Variants in CACNA1C observed in about 807,000 individuals in gnomAD.
CACNA1C encodes calcium voltage-gated channel subunit alpha1 C.
Under a neutral mutation model 229.0 loss-of-function variants are expected in CACNA1C, and 30 were observed. That is an observed-to-expected ratio of 0.13 (90% CI 0.10 to 0.18). CACNA1C has a LOEUF of 0.18. Among genes scored for constraint, CACNA1C ranks in the 10% least tolerant of loss-of-function variants. The pLI is 1.00. For synonymous variants in CACNA1C, 1,114 were observed against 1,132.5 expected, an observed-to-expected ratio of 0.98 and a Z score of 0.33; for missense variants, 1,658 against 2,845.0, an observed-to-expected ratio of 0.58 and a Z score of 9.49.
intron 1 of CACNA1C, among the ~76,000 whole-genome samples, chr12:2,088,766 G>A (rs1227126708): frequency 2.0e-5 from 3 of 152,008 alleles, no homozygotes; most frequent in Non-Finnish European, 4.4e-5. Flanking sequence ...CACTGTCCTC[G>A]GGTGGGCTCA....
intron 3 of CACNA1C, among the ~76,000 whole-genome samples, chr12:2,212,087 T>C (rs1031727891): frequency 6.6e-6 from 1 of 152,220 alleles, no homozygotes; most frequent in Admixed American, 6.5e-5. Context: ...GGTATTTGGA[T>C]CAATGGCTGG....
intron 1 of CACNA1C, among the ~76,000 whole-genome samples, chr12:2,074,939 C>G (rs1008449753): frequency 6.6e-6 from 1 of 152,184 alleles, no homozygotes; most frequent in Admixed American, 6.5e-5. Flanking sequence ...AACCTGCCAA[C>G]ACCCACATGG....
At chr12:2,470,618 G>A (rs184628908) in intron 5 of CACNA1C, among the ~76,000 whole-genome samples, 2 of 152,134 alleles carry the variant, frequency 1.3e-5, no homozygotes, top group East Asian at 1.9e-4. Flanking sequence ...TGTGTGCCTC[G>A]ATTTCCTGAT....
intron 1 of CACNA1C, among the ~76,000 whole-genome samples, chr12:2,075,489 A>G (rs1474192739): frequency 6.6e-6 from 1 of 152,236 alleles, no homozygotes; most frequent in African/African-American, 2.4e-5. Context: ...TCACACAGCT[A>G]TTGAATGGGA....
chr12:2,389,153 G>A (rs2154548181), intron 3 of CACNA1C, among the ~76,000 whole-genome samples: 1 of 152,258 alleles, frequency 6.6e-6, no homozygotes, highest in Non-Finnish European at 1.5e-5. Context: ...TGGAAGCTAA[G>A]GAAGATGGTG....
chr12:2,286,795 C>CT (rs997067845), intron 3 of CACNA1C, among the ~76,000 whole-genome samples: 20 of 152,300 alleles, frequency 1.3e-4, no homozygotes, highest in African/African-American at 4.6e-4. Context: ...ATGCTTACAA[C>CT]TTTTATGTTT....
Position 2,653,928 on chromosome 12 carries a change from T to TGGCCTCCC in CACNA1C, c.4140+30_4140+37dup. ...AGGGAGGCTCCCACCACGGGGCTCC[T>TGGCCTCCC]GGCCTCCCGCTCTGTCTCTCCCCAG... On this transcript the variant is annotated intron_variant, in intron 33 of 46. Transcript: ENST00000399655. This position sits in a 1 kb window ranked among gnomAD's most constrained non-coding sequence, Gnocchi z 4.7. The TGGCCTCCC allele has an allele frequency of 6.3e-7, 1 of 1,593,486 alleles. No homozygotes were observed.
Position 2,032,697 on chromosome 12 carries a change from A to G in CACNA1C, c.139+61496A>G, listed in dbSNP as rs866831791. Among the ~76,000 whole-genome samples, 3 of 152,326 alleles carry G rather than the reference A, an allele frequency of 2.0e-5. No homozygotes were observed. The South Asian group carries it at 6.2e-4, about 32-fold the overall frequency. On this transcript the variant is annotated intron_variant, in intron 1 of 46. Transcript: ENST00000682462. ...GTGACCTTGTCTTGTCCTCTGAATT[A>G]TGGACAGGCAGCTCAGAACATCAGC...
chr12:2,465,717 T>G (rs1441358538), intron 5 of CACNA1C, among the ~76,000 whole-genome samples: 2 of 152,120 alleles, frequency 1.3e-5, no homozygotes, highest in Non-Finnish European at 2.9e-5. Context: ...CAGCTAAGTG[T>G]CTTGGAAATC....
At position 2,648,497 on chromosome 12, in the gene CACNA1C, C is replaced by G; in HGVS notation, c.3935C>G (p.Ser1312Cys). ...EVNPAEHTQC[S>C]PSMNAEENSR... ...AAGCCAGCTGAACATACCCAATGCT[C>G]TCCCTCTATGGTAAGACCAACCCTC... The change falls in exon 31 of 47, where the codon TCT becomes TGT. Residue 1312 changes from serine (S) to cysteine (C), a missense_variant. Coordinates refer to ENST00000399655, the MANE Select transcript of CACNA1C (RefSeq NM_000719.7). 6.2e-7 allele frequency: 1 copy of G among 1,613,954 alleles called. No individual in the cohort carries two copies. Among genetic ancestry groups the G allele is most frequent in the South Asian group, 1.1e-5 (1 of 91,088 alleles).
In CACNA1C at chr12:2,566,832, G is replaced by A. The variant is rs747550369; in HGVS notation, c.1669+250G>A. ...ACCATCAGCCTGCCCCAAAGTCACT[G>A]TTGGACCCAGGTGATGAGGAAAGGG... On this transcript the variant is annotated intron_variant, in intron 12 of 46. Transcript: ENST00000399655. The surrounding 1 kb of genome is among the most constrained non-coding windows in gnomAD (Gnocchi z 4.0). Among the ~76,000 whole-genome samples the A allele has an allele frequency of 6.6e-6, 1 of 152,176 alleles. No homozygotes were observed. Among genetic ancestry groups the A allele is most frequent in the Non-Finnish European group, 1.5e-5 (1 of 68,028 alleles).
intron 1 of CACNA1C, among the ~76,000 whole-genome samples, chr12:2,038,294 T>A (rs1018162433): frequency 2.0e-5 from 3 of 152,158 alleles, no homozygotes; most frequent in Non-Finnish European, 4.4e-5. Context: ...AGAATTCGAG[T>A]CACGGTGGCA....
Position 2,512,722 on chromosome 12 carries a change from A to G in CACNA1C, c.1218-90A>G. ...GCAATTAAGACTCTTGTTTCTCCTT[A>G]TCTCCATCTCTCCTTCCATCCTCGA... is the stretch of plus-strand genomic sequence containing the variant. On this transcript the variant is annotated intron_variant, in intron 8 of 46. Coordinates refer to ENST00000399655, the MANE Select transcript of CACNA1C (RefSeq NM_000719.7). This position sits in a 1 kb window ranked among gnomAD's most constrained non-coding sequence, Gnocchi z 4.3. 1.0e-6 allele frequency: 1 copy of G among 967,926 alleles called. No homozygotes were observed. The highest frequency in any genetic ancestry group is 2.7e-5 in the East Asian group (1 of 37,436). The allele number at this position is 967,926 out of a possible 1,614,324, so 60.0% of individuals were successfully genotyped here.
intron 3 of CACNA1C, among the ~76,000 whole-genome samples, chr12:2,143,805 G>T (rs1467698495): frequency 2.0e-5 from 3 of 151,132 alleles, no homozygotes; most frequent in African/African-American, 7.3e-5. Context: ...ATTTGGTTGG[G>T]TTGTGGTACC....
At chr12:2,587,648 C>T (rs762570130) in intron 18 of CACNA1C, among the ~76,000 whole-genome samples, 1 of 152,124 alleles carries the variant, frequency 6.6e-6, no homozygotes, top group Non-Finnish European at 1.5e-5. Flanking sequence ...GGTCGGCCAT[C>T]CTAGAAATGC....
chr12:2,189,262 GC>G (rs2097141650), intron 3 of CACNA1C, among the ~76,000 whole-genome samples: 1 of 152,080 alleles, frequency 6.6e-6, no homozygotes, highest in African/African-American at 2.4e-5. Context: ...TTCTCCCCTT[GC>G]CCAGTAAGAG....
intron 3 of CACNA1C, among the ~76,000 whole-genome samples, chr12:2,412,363 G>A (rs2098817558): frequency 6.6e-6 from 1 of 152,230 alleles, no homozygotes; most frequent in Non-Finnish European, 1.5e-5. Flanking sequence ...ACTCCATTAA[G>A]TGCTCTTCAG....
intron 9 of CACNA1C, among the ~76,000 whole-genome samples, chr12:2,540,425 G>A (rs761816422): frequency 2.4e-4 from 36 of 152,258 alleles, no homozygotes; most frequent in South Asian, 4.2e-4. Context: ...CCACAGATGC[G>A]AACTGGGCCT....
At chr12:2,380,941 C>A (rs1419720124) in intron 3 of CACNA1C, among the ~76,000 whole-genome samples, 1 of 152,148 alleles carries the variant, frequency 6.6e-6, no homozygotes, top group Non-Finnish European at 1.5e-5. Flanking sequence ...TCCCAGCTGG[C>A]CCGTGTGCTT....
Sources: gnomAD v4.1 joint callset for allele counts (sites outside exome capture counted in the v4.1 genomes callset) on GRCh38, gnomAD v4.1.1 for gene constraint, Gnocchi (gnomAD v3.1) non-coding constraint, MANE v1.5 for transcripts, NCBI Gene and HGNC (gene_info 2026-07-23, HGNC 2026-07-21) for gene names.